Variants in CDH18 observed in about 807,000 individuals in gnomAD.
CDH18 encodes the protein cadherin-18.
Under a neutral mutation model 67.9 loss-of-function variants are expected in CDH18, and 31 were observed. The ratio of observed to expected loss-of-function variants is 0.46; its 90% CI spans 0.34 to 0.62. The LOEUF (loss-of-function observed/expected upper bound fraction) is 0.62, where lower values mean the gene tolerates loss of function less well. Ranked by LOEUF, CDH18 falls within the 20% of genes least tolerant of loss-of-function variation. CDH18 has a pLI of 0.01. For missense variants in CDH18, 890 were observed against 975.5 expected, an observed-to-expected ratio of 0.91 and a Z score of 1.17; for synonymous variants, 362 against 347.2, an observed-to-expected ratio of 1.04 and a Z score of -0.48.
rs72743049 is a variant in CDH18, at chr5:20,191,059, C to T, written c.-518+64385G>A. Among the ~76,000 whole-genome samples, 1,179 of 152,114 alleles carry T rather than the reference C, an allele frequency of 7.8e-3. 15 individuals are homozygous for T. Among genetic ancestry groups the T allele is most frequent in the Middle Eastern group, 0.027 (8 of 294 alleles). On this transcript the variant is annotated intron_variant, in intron 2 of 14. Coordinates refer to the CDH18 transcript ENST00000507958. Reference sequence around the variant, plus strand: ...TCACATATTGTTCCACCTTTGAAAGCCTGCAGGTTTGTGGCACATTTTAAG... The same window carrying T: ...TCACATATTGTTCCACCTTTGAAAGTCTGCAGGTTTGTGGCACATTTTAAG...
chr5:20,482,180 A>C (rs1163023690), intron 1 of CDH18, among the ~76,000 whole-genome samples: 1 of 152,000 alleles, frequency 6.6e-6, no homozygotes, highest in Admixed American at 6.6e-5. Context: ...CCAACTAAAA[A>C]ATCTAGAAAA....
At chr5:19,700,086 G>A (rs1763039796) in intron 5 of CDH18, among the ~76,000 whole-genome samples, 1 of 152,122 alleles carries the variant, frequency 6.6e-6, no homozygotes, top group Admixed American at 6.6e-5. Flanking sequence ...TCTTTCGAAA[G>A]AGTAAGATAC....
intron 1 of CDH18, among the ~76,000 whole-genome samples, chr5:20,432,476 T>C (rs893275567): frequency 6.6e-6 from 1 of 152,112 alleles, no homozygotes; most frequent in Non-Finnish European, 1.5e-5. Flanking sequence ...AGAGATTTTA[T>C]AAAAAATATC....
At chr5:19,922,489 T>C (rs1197090541) in intron 2 of CDH18, among the ~76,000 whole-genome samples, 2 of 152,230 alleles carry the variant, frequency 1.3e-5, no homozygotes, top group African/African-American at 2.4e-5. Flanking sequence ...AATGCTATCA[T>C]GCAGCTTAAT....
chr5:20,122,706 A>G (rs866702166), intron 2 of CDH18, among the ~76,000 whole-genome samples: 10 of 151,486 alleles, frequency 6.6e-5, no homozygotes, highest in African/African-American at 2.2e-4. Context: ...TCAAATGAGA[A>G]TACATATGAA....
intron 2 of CDH18, among the ~76,000 whole-genome samples, chr5:19,840,128 C>T (rs1250152330): frequency 2.0e-5 from 3 of 149,648 alleles, no homozygotes; most frequent in Non-Finnish European, 3.0e-5. Flanking sequence ...ATGAGCCGGG[C>T]TTGGTGGCGG....
chr5:20,032,446 G>T (rs550563702), intron 2 of CDH18, among the ~76,000 whole-genome samples: 2 of 152,106 alleles, frequency 1.3e-5, no homozygotes, highest in South Asian at 4.1e-4. Flanking sequence ...CATCCCAGCT[G>T]AGTAGAAATA....
chr5:20,519,567 A>G (rs1755597095), intron 1 of CDH18, among the ~76,000 whole-genome samples: 1 of 152,110 alleles, frequency 6.6e-6, no homozygotes, highest in Non-Finnish European at 1.5e-5. Flanking sequence ...ACATGTATAC[A>G]TATGTAACAA....
At chr5:20,289,458 T>C (rs1366280681) in intron 1 of CDH18, among the ~76,000 whole-genome samples, 2 of 152,000 alleles carry the variant, frequency 1.3e-5, no homozygotes, top group African/African-American at 4.8e-5. Context: ...CCACTTTAAC[T>C]ATTGTAAATT....
At chr5:19,715,462 A>C (rs1206086047) in intron 5 of CDH18, among the ~76,000 whole-genome samples, 2 of 152,162 alleles carry the variant, frequency 1.3e-5, no homozygotes, top group East Asian at 3.9e-4. Flanking sequence ...AGAGCATGGC[A>C]GTTTACCTCA....
intron 10 of CDH18, among the ~76,000 whole-genome samples, chr5:19,505,764 T>C (rs1579870285): frequency 6.6e-6 from 1 of 152,102 alleles, no homozygotes; most frequent in East Asian, 1.9e-4. Flanking sequence ...ATCAGGGATA[T>C]TGGTCTAAAA....
At chr5:20,385,088 T>C (rs1274854142) in intron 1 of CDH18, among the ~76,000 whole-genome samples, 1 of 152,102 alleles carries the variant, frequency 6.6e-6, no homozygotes, top group Non-Finnish European at 1.5e-5. Flanking sequence ...CTGCCCACTT[T>C]GGCCACCCAA....
chr5:19,862,331 T>C (rs1784992890), intron 2 of CDH18, among the ~76,000 whole-genome samples: 1 of 151,626 alleles, frequency 6.6e-6, no homozygotes. Flanking sequence ...CTATATTTTA[T>C]TATCTCAAAA....
chr5:20,498,031 G>C (rs73062622), intron 1 of CDH18, among the ~76,000 whole-genome samples: 1 of 152,012 alleles, frequency 6.6e-6, no homozygotes, highest in Non-Finnish European at 1.5e-5. Flanking sequence ...CCATAAAGTG[G>C]GTCCTCACTA....
At chr5:20,112,202 CAATAATCCACCCCA>C (rs1340528700) in intron 2 of CDH18, among the ~76,000 whole-genome samples, 3 of 152,124 alleles carry the variant, frequency 2.0e-5, no homozygotes, top group Admixed American at 6.6e-5. Context: ...TATTAGTTAA[CAATAATCCACCCCA>C]AATAATCCAC....
chr5:19,483,336 A>G lies in CDH18; in HGVS notation c.1847T>C (p.Leu616Ser). ...LSSAGLSTGA[L>S]IAILLCVLIL... The stretch of plus-strand genomic sequence containing the variant: ...GAGAACACAGAGAAGAATAGCGATT[A>G]AGGCTCCTGTACTCAAACCAGCCGA... Residue 616 changes from leucine (L) to serine (S), a missense_variant, in exon 12 of 13, where the codon TTA becomes TCA. Leu to Ser is a moderately radical substitution (Grantham distance 145). This residue lies in a region of CDH18 where 656 missense variants were observed against 668.1 expected (regional missense o/e 0.98). Transcript: ENST00000382275. 1 of 1,614,068 alleles carries G rather than the reference A, an allele frequency of 6.2e-7. No homozygotes were observed. Among genetic ancestry groups the G allele is most frequent in the Non-Finnish European group, 8.5e-7 (1 of 1,179,980 alleles).
intron 2 of CDH18, among the ~76,000 whole-genome samples, chr5:20,188,270 T>C (rs539856577): frequency 6.6e-6 from 1 of 152,174 alleles, no homozygotes; most frequent in African/African-American, 2.4e-5. Flanking sequence ...GTTGAAGCTA[T>C]AGTTCAAAAG....
At chr5:20,401,861 T>C (rs888339150) in intron 1 of CDH18, among the ~76,000 whole-genome samples, 1 of 152,220 alleles carries the variant, frequency 6.6e-6, no homozygotes, top group African/African-American at 2.4e-5. Flanking sequence ...CAGAGTGTTA[T>C]TTAAAATTAT....
At chr5:19,684,044 T>G (rs1760715014) in intron 5 of CDH18, among the ~76,000 whole-genome samples, 1 of 152,128 alleles carries the variant, frequency 6.6e-6, no homozygotes, top group Non-Finnish European at 1.5e-5. Flanking sequence ...CATCCTTTCC[T>G]TTTATATCAA....
Sources: allele counts gnomAD v4.1 joint callset (sites outside exome capture counted in the v4.1 genomes callset), GRCh38; gene constraint gnomAD v4.1.1; regional missense constraint gnomAD v4.1.1; transcripts MANE v1.5; gene names NCBI Gene and HGNC (gene_info 2026-07-23, HGNC 2026-07-21).